The following USP44 variants were observed in gnomAD, a reference collection of about 807,000 sequenced individuals.
USP44 encodes the protein ubiquitin specific peptidase 44.
USP44 carries 61 observed loss-of-function variants against 69.0 expected under a neutral mutation model. That is an observed-to-expected ratio of 0.88 (90% CI 0.72 to 1.09). USP44 has a LOEUF of 1.09. Ranked by LOEUF, USP44 falls within the 50% of genes least tolerant of loss-of-function variation. The pLI is 0.00. For synonymous variants in USP44, 297 were observed against 295.4 expected (o/e 1.01, Z -0.06); for missense variants, 753 against 849.9 (o/e 0.89, Z 1.42).
chr12:95,528,819 C>A lies in USP44; in HGVS notation c.1612G>T (p.Asp538Tyr). ...EALEGKIYVCDQCNSKRRRFS... is the reference protein window; with the variant it reads ...EALEGKIYVCYQCNSKRRRFS... ...CGTCTTTACTCACAGTTACACTGGTCACATACGTAGATTTTTCCTTCTAAA... is the reference window on the plus strand; with the variant it reads ...CGTCTTTACTCACAGTTACACTGGTAACATACGTAGATTTTTCCTTCTAAA... The change falls in exon 3 of 6, where the codon GAC becomes TAC. Residue 538 changes from aspartate (D) to tyrosine (Y), a missense_variant. Physicochemically the swap from Asp to Tyr is radical, Grantham distance 160. Coordinates refer to ENST00000258499, the MANE Select transcript of USP44 (RefSeq NM_032147.5). The A allele has an allele frequency of 6.2e-7, 1 of 1,613,816 alleles. No homozygotes were observed. Among genetic ancestry groups the A allele is most frequent in the South Asian group, 1.1e-5 (1 of 91,008 alleles).
chr12:95,533,443 C>T lies in USP44; in HGVS notation c.814G>A (p.Val272Ile), dbSNP rs905126459. 1.2e-6 allele frequency: 2 copies of T among 1,614,154 alleles called. No individual in the cohort carries two copies. Among genetic ancestry groups the T allele is most frequent in the African/African-American group, 2.7e-5 (2 of 75,050 alleles). ...TTTCCCAAATTTCTCAATCCTGTTA[C>T]ACCAGGAGTTACTATTGGCCTTCGT... ...VKRRPIVTPG[V>I]TGLRNLGNTC... The change falls in exon 2 of 6, where the codon GTA (valine) becomes ATA (isoleucine). Residue 272 changes from valine (V) to isoleucine (I), a missense_variant. Transcript: ENST00000258499.
intron 5 of USP44, among the ~76,000 whole-genome samples, chr12:95,519,570 A>C (rs2140199966): frequency 6.7e-6 from 1 of 150,140 alleles, no homozygotes; most frequent in South Asian, 2.1e-4. Flanking sequence ...CTCTCCGAGT[A>C]GCTGGGACTA....
chr12:95,522,406 G>T (rs768081528), intron 4 of USP44, among the ~76,000 whole-genome samples: 1 of 152,090 alleles, frequency 6.6e-6, no homozygotes, highest in Non-Finnish European at 1.5e-5. Context: ...CTCTCTGTGG[G>T]GTTGTGAAAT....
chr12:95,534,239 C>A lies in USP44; in HGVS notation c.18G>T (p.Thr6=). 1.2e-6 allele frequency: 2 copies of A among 1,610,364 alleles called. No individual in the cohort carries two copies. The highest frequency in any genetic ancestry group is 1.7e-6 in the Non-Finnish European group (2 of 1,177,342). The part of the protein sequence containing the change: MLAMD[T]CKHVGQLQLA... Reference sequence around the variant, plus strand: ...GCTGCAGCTGCCCAACATGTTTGCACGTATCCATTGCTAGCATTTATTTAG... The same window carrying A: ...GCTGCAGCTGCCCAACATGTTTGCAAGTATCCATTGCTAGCATTTATTTAG... The change falls in exon 2 of 6, where the codon ACG becomes ACT. Residue 6 remains threonine (T), a synonymous_variant. Transcript: ENST00000258499.
In USP44 at chr12:95,548,327, C is replaced by T. The variant is rs1163887497; in HGVS notation, c.-71+2945G>A. On this transcript the variant is annotated intron_variant, in intron 1 of 5. Coordinates refer to ENST00000258499, the MANE Select transcript of USP44 (RefSeq NM_032147.5). This position sits in a 1 kb window ranked among gnomAD's most constrained non-coding sequence, Gnocchi z 4.1. ...GGGCGTTGCGTGCTCCACACAGCGC[C>T]CAGCCCGTGCCAGCCCCGCGCCCAC... 6.6e-6 allele frequency: 1 copy of T among 151,938 alleles called. No homozygotes were observed. Among genetic ancestry groups the T allele is most frequent in the African/African-American group, 2.4e-5 (1 of 41,294 alleles). 9.4% of individuals were successfully genotyped at this position (151,938 alleles called of 1,614,324 possible). A position where few individuals can be genotyped will look rare whatever the true frequency, so the allele number is the denominator to read the frequency against.
At chr12:95,539,291 T>C (rs1169375733) in intron 1 of USP44, among the ~76,000 whole-genome samples, 1 of 151,360 alleles carries the variant, frequency 6.6e-6, no homozygotes, top group Non-Finnish European at 1.5e-5. Context: ...AGTGGCGCGA[T>C]CTAGGCTCAC....
intron 1 of USP44, among the ~76,000 whole-genome samples, chr12:95,550,050 G>T (rs949719379): frequency 6.6e-6 from 1 of 151,956 alleles, no homozygotes; most frequent in African/African-American, 2.4e-5. Flanking sequence ...CTGGTGGCGG[G>T]CACCTGTAAT....
At chr12:95,549,092 T>A (rs1459576731) in intron 1 of USP44, among the ~76,000 whole-genome samples, 5 of 152,210 alleles carry the variant, frequency 3.3e-5, no homozygotes, top group African/African-American at 9.6e-5. Flanking sequence ...ACCCAGCGTG[T>A]CCTGTGTGCC....
At position 95,532,885 on chromosome 12, in the gene USP44, T is replaced by G. The variant is rs1278101334; in HGVS notation, c.1372A>C (p.Ile458Leu). 6 of 1,610,314 alleles carry G rather than the reference T, an allele frequency of 3.7e-6. No homozygotes were observed. Among genetic ancestry groups the G allele is most frequent in the Non-Finnish European group, 5.1e-6 (6 of 1,178,918 alleles). Residue 458 changes from isoleucine (I) to leucine (L), a missense_variant, in exon 2 of 6, where the codon ATC becomes CTC. Ile to Leu is a conservative substitution (Grantham distance 5). Coordinates refer to ENST00000258499, the MANE Select transcript of USP44 (RefSeq NM_032147.5). Reference sequence around the variant, plus strand: ...TTTACAACATTCAGAACTTGTTTGATGAGTTTCCTTTGAGAAGTGGGGATA... The same window carrying G: ...TTTACAACATTCAGAACTTGTTTGAGGAGTTTCCTTTGAGAAGTGGGGATA... ...ALIPTSQRKL[I>L]KQVLNVVNNI...
Position 95,524,782 on chromosome 12 carries a change from C to T in USP44, c.1631G>A (p.Arg544His), listed in dbSNP as rs372529431. 246 of 1,598,840 alleles carry T rather than the reference C, an allele frequency of 1.5e-4. 2 individuals carry two copies. The South Asian group carries it at 1.6e-3, about 11-fold the overall frequency. The change falls in exon 4 of 6, where the codon CGT (arginine) becomes CAT (histidine). Residue 544 changes from arginine to histidine, a missense_variant. Arg to His is a conservative substitution (Grantham distance 29). Transcript: ENST00000258499. ...AACTGGTTTGGAGGAAAACCTTCTA[C>T]GCTTTGCTGTAACATCAAAGAAAGA... ...IYVCDQCNSK[R>H]RRFSSKPVVL... is the part of the protein sequence containing the mutation.
intron 1 of USP44, among the ~76,000 whole-genome samples, chr12:95,538,609 G>T (rs979235691): frequency 1.3e-5 from 2 of 152,060 alleles, no homozygotes; most frequent in Non-Finnish European, 2.9e-5. Context: ...GTGGAATGAC[G>T]GATCACGAGA....
intron 2 of USP44, 123 bp from the exon 3 acceptor site, chr12:95,529,125 A>G: frequency 1.2e-6 from 1 of 820,788 alleles, no homozygotes; most frequent in Non-Finnish European, 1.8e-6. Context: ...AGGATTCTGA[A>G]TAATCTGCTT....
At chr12:95,546,497 T>C (rs1388736643) in intron 1 of USP44, 16 of 152,194 alleles carry the variant, frequency 1.1e-4, no homozygotes, top group Non-Finnish European at 2.1e-4. Flanking sequence ...GTCACCTATT[T>C]AGGCTGGGCC....
At position 95,534,097 on chromosome 12, in the gene USP44, C is replaced by T; in HGVS notation, c.160G>A (p.Glu54Lys). 1.2e-6 allele frequency: 2 copies of T among 1,614,184 alleles called. No individual in the cohort carries two copies. Among genetic ancestry groups the T allele is most frequent in the South Asian group, 1.1e-5 (1 of 91,084 alleles). Residue 54 changes from glutamate to lysine, a missense_variant, in exon 2 of 6, where the codon GAA (glutamate) becomes AAA (lysine). By Grantham distance (56) the Glu-to-Lys change is moderately conservative. Transcript: ENST00000258499. ...CSHVACGRYI[E>K]EHALKHFQES... is the part of the protein sequence containing the mutation. ...TGAAAGTGCTTGAGTGCATGCTCTT[C>T]AATATATCTTCCACAGGCAACATGG... is the stretch of plus-strand genomic sequence containing the variant.
intron 4 of USP44, chr12:95,521,908 T>C (rs2076677204): frequency 2.3e-6 from 1 of 443,738 alleles, no homozygotes; most frequent in Non-Finnish European, 3.0e-6. Flanking sequence ...AGGGCATCTC[T>C]ATTTCCTCAG....
At chr12:95,518,640 T>C (rs1285334536) in intron 5 of USP44, among the ~76,000 whole-genome samples, 1 of 152,148 alleles carries the variant, frequency 6.6e-6, no homozygotes. Context: ...AGGATGATCA[T>C]CCCTAATTCC....
At chr12:95,544,892 T>C (rs1226032985) in intron 1 of USP44, among the ~76,000 whole-genome samples, 1 of 152,178 alleles carries the variant, frequency 6.6e-6, no homozygotes, top group Admixed American at 6.6e-5. Flanking sequence ...ACCACAATTT[T>C]ATCAATATTA....
In USP44 at chr12:95,548,814, C is replaced by G. The variant is rs924373930; in HGVS notation, c.-71+2458G>C. The stretch of plus-strand genomic sequence containing the variant: ...CCATCTTAGCGCTCACCCCGGCCCC[C>G]CGCCCCCCGGTTCGGCGGCCGCGAC... On this transcript the variant is annotated intron_variant, in intron 1 of 5. Coordinates refer to ENST00000258499, the MANE Select transcript of USP44 (RefSeq NM_032147.5). The surrounding 1 kb of genome is among the most constrained non-coding windows in gnomAD (Gnocchi z 4.1). The G allele has an allele frequency of 6.6e-6, 1 of 152,036 alleles. No individual in the cohort carries two copies. Among genetic ancestry groups the G allele is most frequent in the African/African-American group, 2.4e-5 (1 of 41,400 alleles). 9.4% of individuals were successfully genotyped at this position (152,036 alleles called of 1,614,324 possible).
intron 4 of USP44, among the ~76,000 whole-genome samples, chr12:95,523,689 C>CAAAAAAAAAAAA (rs927669685): frequency 2.8e-3 from 249 of 88,858 alleles, no homozygotes; most frequent in Non-Finnish European, 4.7e-3. Flanking sequence ...CTGTCTCTAC[C>CAAAAAAAAAAAA]AAAAAAAAAA....
Sources: allele counts gnomAD v4.1 joint callset (sites outside exome capture counted in the v4.1 genomes callset), GRCh38; gene constraint gnomAD v4.1.1; non-coding constraint Gnocchi (gnomAD v3.1); transcripts MANE v1.5; gene names NCBI Gene and HGNC (gene_info 2026-07-23, HGNC 2026-07-21).